STAG1: variants seen among roughly 807,000 people sequenced by gnomAD.
STAG1 encodes cohesin subunit SA-1.
In STAG1, 26 loss-of-function variants were observed where a neutral mutation model predicts 170.9. That is an observed-to-expected ratio of 0.15 (90% CI 0.11 to 0.21). The LOEUF (loss-of-function observed/expected upper bound fraction) is 0.21, where lower values mean the gene tolerates loss of function less well. STAG1 is among the 10% of genes least tolerant of loss of function. The pLI, the probability that STAG1 is intolerant of heterozygous loss-of-function variation, is 1.00. For synonymous variants in STAG1, 514 were observed against 497.7 expected, an observed-to-expected ratio of 1.03 and a Z score of -0.44; for missense variants, 964 against 1,509.5, an observed-to-expected ratio of 0.64 and a Z score of 5.99.
intron 1 of STAG1, among the ~76,000 whole-genome samples, chr3:136,727,776 A>C (rs1477414514): frequency 6.6e-6 from 1 of 152,212 alleles, no homozygotes; most frequent in African/African-American, 2.4e-5. Context: ...GAAAATAATC[A>C]TATTATTATT....
At chr3:136,382,076 A>G (rs887250893) in intron 22 of STAG1, among the ~76,000 whole-genome samples, 6 of 152,234 alleles carry the variant, frequency 3.9e-5, no homozygotes, top group Non-Finnish European at 7.3e-5. Context: ...GGGGCAACTT[A>G]TAATGTGTTA....
intron 21 of STAG1, among the ~76,000 whole-genome samples, chr3:136,402,274 A>G (rs935275873): frequency 2.0e-5 from 3 of 151,550 alleles, no homozygotes; most frequent in African/African-American, 4.9e-5. Flanking sequence ...CTGGAGTGCA[A>G]TGGTGTGGTC....
At chr3:136,659,418 C>A (rs1941500073) in intron 1 of STAG1, among the ~76,000 whole-genome samples, 1 of 152,190 alleles carries the variant, frequency 6.6e-6, no homozygotes, top group African/African-American at 2.4e-5. Flanking sequence ...GCATATTAGA[C>A]TCCATTAACA....
intron 22 of STAG1, among the ~76,000 whole-genome samples, chr3:136,384,734 C>G (rs935974775): frequency 3.3e-5 from 5 of 150,792 alleles, no homozygotes; most frequent in African/African-American, 9.8e-5. Flanking sequence ...CGCCACTGCA[C>G]TCTAGCCTGG....
At chr3:136,364,486 A>AT (rs982664633) in intron 25 of STAG1, among the ~76,000 whole-genome samples, 6 of 151,970 alleles carry the variant, frequency 3.9e-5, no homozygotes, top group African/African-American at 1.2e-4. Flanking sequence ...AAAACAGTTA[A>AT]AACTGCTTAC....
intron 1 of STAG1, among the ~76,000 whole-genome samples, chr3:136,657,693 A>G (rs976980539): frequency 7.9e-5 from 12 of 152,130 alleles, no homozygotes; most frequent in Non-Finnish European, 1.3e-4. Flanking sequence ...ATGATGGTAC[A>G]TGCCTGTAGT....
rs760322984 is a variant in STAG1 at position 136,477,388 on chromosome 3, G to C, written c.927C>G (p.Ala309=). The C allele has an allele frequency of 1.2e-6, 2 of 1,611,578 alleles. No individual in the cohort carries two copies. The highest frequency in any genetic ancestry group is 1.7e-6 in the Non-Finnish European group (2 of 1,179,310). Residue 309 remains alanine (A), a synonymous_variant, in exon 10 of 34, where the codon GCC becomes GCG. Coordinates refer to ENST00000383202, the MANE Select transcript of STAG1 (RefSeq NM_005862.3). ...RYRDAIAEIR[A]ICIEEIGVWM... The stretch of plus-strand genomic sequence containing the variant: ...ATACTCCAATTTCTTCAATACAAAT[G>C]GCTCTAATCTCAGCAATAGCATCAC...
chr3:136,462,260 C>G (rs554119329), intron 13 of STAG1, among the ~76,000 whole-genome samples: 2 of 152,294 alleles, frequency 1.3e-5, no homozygotes, highest in South Asian at 4.1e-4. Flanking sequence ...TACTACAGCA[C>G]TATTCATAGT....
At chr3:136,713,262 A>G (rs1022333948) in intron 1 of STAG1, among the ~76,000 whole-genome samples, 14 of 152,050 alleles carry the variant, frequency 9.2e-5, no homozygotes, top group African/African-American at 3.4e-4. Flanking sequence ...CTCACAAACA[A>G]TGCTGAGCCA....
rs188646786 is a variant in STAG1 at position 136,491,575 on chromosome 3, T to C, written c.902+8648A>G. On this transcript the variant is annotated intron_variant, in intron 9 of 33. Coordinates refer to ENST00000383202, the MANE Select transcript of STAG1 (RefSeq NM_005862.3). ...TGTGGAAGAAACTGATCATTTGGTC[T>C]GAAGTACAGTTTCCCAAATTCTAGA... Among the ~76,000 whole-genome samples, 242 of 152,346 alleles carry C rather than the reference T, an allele frequency of 1.6e-3. 2 individuals are homozygous for C. The highest frequency in any genetic ancestry group is 5.6e-3 in the African/African-American group (233 of 41,572).
At chr3:136,610,337 T>C (rs1939209087) in intron 3 of STAG1, among the ~76,000 whole-genome samples, 1 of 152,134 alleles carries the variant, frequency 6.6e-6, no homozygotes, top group Admixed American at 6.5e-5. Flanking sequence ...ACCTGGCCTT[T>C]AGCAGGATTT....
Position 136,498,807 on chromosome 3 carries a change from A to C in STAG1, c.902+1416T>G, listed in dbSNP as rs148523114. ...CAGTATATGCAAGAAAGCAGACATA[A>C]AACTCCAATCAGACAATCCACACTG... On this transcript the variant is annotated intron_variant, in intron 9 of 33. Transcript: ENST00000383202. Among the ~76,000 whole-genome samples, 58 of 152,338 alleles carry C rather than the reference A, an allele frequency of 3.8e-4. No individual in the cohort carries two copies. In the East Asian group the frequency reaches 0.01, roughly 27 times the overall value.
rs541117199 is a variant in STAG1 at position 136,457,141 on chromosome 3, T to A, written c.1314-4994A>T. On this transcript the variant is annotated intron_variant, in intron 13 of 33. Coordinates refer to ENST00000383202, the MANE Select transcript of STAG1 (RefSeq NM_005862.3). ...CCAGGGTCTAAAACCCCTCATGGCCTTTGGAACAGCAAAGTCTGTGCCAAA... is the reference window on the plus strand; with the variant it reads ...CCAGGGTCTAAAACCCCTCATGGCCATTGGAACAGCAAAGTCTGTGCCAAA... 4.6e-5 allele frequency among the ~76,000 whole-genome samples: 7 copies of A among 152,226 alleles called. No homozygotes were observed. In the South Asian group the frequency reaches 1.5e-3, roughly 32 times the overall value.
chr3:136,549,300 T>C (rs780446768), intron 5 of STAG1, among the ~76,000 whole-genome samples: 3 of 152,136 alleles, frequency 2.0e-5, no homozygotes, highest in Admixed American at 1.3e-4. Context: ...TTTTGTGGAA[T>C]AATCAGTTTT....
chr3:136,644,216 AG>A (rs1398464083), intron 1 of STAG1, among the ~76,000 whole-genome samples: 1 of 152,226 alleles, frequency 6.6e-6, no homozygotes, highest in African/African-American at 2.4e-5. Context: ...ATTAATTTCT[AG>A]GTGGTGAAAA....
intron 7 of STAG1, among the ~76,000 whole-genome samples, chr3:136,503,520 T>C (rs569596009): frequency 1.1e-4 from 17 of 152,296 alleles, no homozygotes; most frequent in Middle Eastern, 3.4e-3. Flanking sequence ...ATCATTGAGA[T>C]AGTGAGAATA....
intron 1 of STAG1, among the ~76,000 whole-genome samples, chr3:136,654,509 C>T (rs1469935149): frequency 6.6e-6 from 1 of 152,114 alleles, no homozygotes; most frequent in Admixed American, 6.5e-5. Context: ...AAACACATCC[C>T]ACGTTTTTGG....
intron 12 of STAG1, among the ~76,000 whole-genome samples, chr3:136,465,708 G>C (rs922556408): frequency 6.6e-6 from 1 of 151,530 alleles, no homozygotes; most frequent in African/African-American, 2.4e-5. Context: ...AGCTCAAATA[G>C]GGTCCACATA....
At chr3:136,401,917 G>A (rs1370829130) in intron 21 of STAG1, among the ~76,000 whole-genome samples, 4 of 151,984 alleles carry the variant, frequency 2.6e-5, no homozygotes, top group African/African-American at 4.8e-5. Context: ...ACTAATTTTT[G>A]TATTTTTGGT....
Sources: allele counts gnomAD v4.1 joint callset (sites outside exome capture counted in the v4.1 genomes callset), GRCh38; gene constraint gnomAD v4.1.1; transcripts MANE v1.5; gene names NCBI Gene and HGNC (gene_info 2026-07-23, HGNC 2026-07-21).